NCOR2: variants seen among roughly 807,000 people sequenced by gnomAD.
The protein encoded by NCOR2 is CTG repeat protein 26.
NCOR2 carries 81 observed loss-of-function variants against 262.9 expected under a neutral mutation model. The observed-to-expected ratio is 0.31, with a 90% confidence interval of 0.26 to 0.37. NCOR2 has a LOEUF of 0.37. Among genes scored for constraint, NCOR2 ranks in the 10% least tolerant of loss-of-function variants. The pLI, the probability that NCOR2 is intolerant of heterozygous loss-of-function variation, is 1.00. For missense variants in NCOR2, 3,385 were observed against 3,621.4 expected, an observed-to-expected ratio of 0.93 and a Z score of 1.68; for synonymous variants, 1,659 against 1,559.3, an observed-to-expected ratio of 1.06 and a Z score of -1.51.
exon 47 of NCOR2, chr12:124,325,387 C>CCCCG: frequency 1.5e-6 from 1 of 655,996 alleles, no homozygotes; most frequent in Non-Finnish European, 2.1e-6. Flanking sequence ...GCCCCCCCCC[C>CCCCG]CGCCCTGTTC....
At chr12:124,379,915 T>G (rs2040287377) in intron 17 of NCOR2, among the ~76,000 whole-genome samples, 1 of 152,244 alleles carries the variant, frequency 6.6e-6, no homozygotes, top group African/African-American at 2.4e-5. Context: ...TGTCACGAAC[T>G]GCCAGCAGTC....
intron 22 of NCOR2, among the ~76,000 whole-genome samples, chr12:124,360,695 C>T (rs2038501354): frequency 6.6e-6 from 1 of 151,030 alleles, no homozygotes; most frequent in African/African-American, 2.4e-5. Context: ...CCCGGCGACT[C>T]CTCACACACC....
At chr12:124,490,534 T>A (rs755539186) in intron 1 of NCOR2, among the ~76,000 whole-genome samples, 7 of 152,110 alleles carry the variant, frequency 4.6e-5, no homozygotes, top group Non-Finnish European at 1.0e-4. Context: ...AGCCTCTCTT[T>A]TGAGGGCCAA....
At chr12:124,418,092 A>G (rs1241129961) in intron 13 of NCOR2, among the ~76,000 whole-genome samples, 1 of 152,030 alleles carries the variant, frequency 6.6e-6, no homozygotes, top group African/African-American at 2.4e-5. Context: ...CCAAAAAAAC[A>G]AAAATAAAAC....
rs527790413 is a variant in NCOR2, at chr12:124,420,771, C to T, written c.1384-716G>A. Among the ~76,000 whole-genome samples the T allele has an allele frequency of 4.3e-3, 662 of 152,344 alleles. 7 individuals are homozygous for T. The highest frequency in any genetic ancestry group is 6.5e-3 in the Admixed American group (99 of 15,312). ...CAGCTTGCCAATGCCCACAGCCGTT[C>T]CCCTTACAATGTAAAATGTTTCTGC... On this transcript the variant is annotated intron_variant, in intron 12 of 46. Transcript: ENST00000405201.
At chr12:124,388,127 C>T (rs1188446512) in intron 16 of NCOR2, among the ~76,000 whole-genome samples, 4 of 152,146 alleles carry the variant, frequency 2.6e-5, no homozygotes, top group African/African-American at 7.2e-5. Flanking sequence ...AAACATACGG[C>T]TCCCAAAGGA....
intron 1 of NCOR2, among the ~76,000 whole-genome samples, chr12:124,521,988 G>C (rs1018457202): frequency 6.6e-6 from 1 of 152,172 alleles, no homozygotes; most frequent in South Asian, 2.1e-4. Context: ...CTGCACTCCA[G>C]CCTGGGCAAC....
At chr12:124,386,679 A>G in intron 16 of NCOR2, among the ~76,000 whole-genome samples, 1 of 152,216 alleles carries the variant, frequency 6.6e-6, no homozygotes. Context: ...GGCCAGAACC[A>G]GAGCATGCCG....
Position 124,457,209 on chromosome 12 carries a change from AAC to A in NCOR2, c.706-49_706-48del, listed in dbSNP as rs763189357. On this transcript the variant is annotated intron_variant, in intron 5 of 46. Transcript: ENST00000405201. This position sits in a 1 kb window ranked among gnomAD's most constrained non-coding sequence, Gnocchi z 4.0. ...GAGGAATTTTTTTAAAAAACAAAAA[AAC>A]ACAGATTATAAATAGAGGCTTCCCG... 2.0e-5 allele frequency: 31 copies of A among 1,527,436 alleles called. No individual in the cohort carries two copies. Among genetic ancestry groups the A allele is most frequent in the Middle Eastern group, 1.7e-4 (1 of 5,766 alleles). The allele number at this position is 1,527,436 out of a possible 1,614,324, so 94.6% of individuals were successfully genotyped here. A position where few individuals can be genotyped will look rare whatever the true frequency, so the allele number is the denominator to read the frequency against.
chr12:124,458,338 C>T (rs1347578147), intron 5 of NCOR2, among the ~76,000 whole-genome samples: 2 of 152,184 alleles, frequency 1.3e-5, no homozygotes, highest in African/African-American at 2.4e-5. Context: ...GCGTGGCAGG[C>T]CAGCATCACT....
At chr12:124,560,174 T>C (rs2052021181) in intron 1 of NCOR2, among the ~76,000 whole-genome samples, 1 of 152,062 alleles carries the variant, frequency 6.6e-6, no homozygotes, top group South Asian at 2.1e-4. Context: ...TTCAAAACAG[T>C]GAGGTAGTAT....
At chr12:124,421,945 C>T (rs1451796152) in intron 12 of NCOR2, among the ~76,000 whole-genome samples, 1 of 152,246 alleles carries the variant, frequency 6.6e-6, no homozygotes, top group African/African-American at 2.4e-5. Context: ...CTTTAGGCCT[C>T]AGGTCCACAC....
chr12:124,558,254 A>G (rs1037497659), intron 1 of NCOR2, among the ~76,000 whole-genome samples: 23 of 139,786 alleles, frequency 1.6e-4, no homozygotes, highest in South Asian at 9.8e-4. Context: ...AGAAAAATCA[A>G]CTCTCCCACC....
intron 16 of NCOR2, among the ~76,000 whole-genome samples, chr12:124,388,228 G>C (rs1025357539): frequency 6.6e-6 from 1 of 152,212 alleles, no homozygotes; most frequent in Admixed American, 6.5e-5. Flanking sequence ...CTTAACTGCC[G>C]TGTGAGGAGC....
chr12:124,453,346 G>A (rs894718432), intron 6 of NCOR2, among the ~76,000 whole-genome samples: 5 of 152,218 alleles, frequency 3.3e-5, no homozygotes, highest in Non-Finnish European at 2.9e-5. Flanking sequence ...GCCAGTGAGG[G>A]AATCGAGGCC....
At chr12:124,418,673 T>C (rs1182260005) in intron 13 of NCOR2, among the ~76,000 whole-genome samples, 1 of 151,500 alleles carries the variant, frequency 6.6e-6, no homozygotes, top group African/African-American at 2.4e-5. Flanking sequence ...CAAAGTGGGC[T>C]TTAGGCCTCA....
chr12:124,394,687 G>A (rs1320566826), intron 16 of NCOR2, among the ~76,000 whole-genome samples: 2 of 152,216 alleles, frequency 1.3e-5, no homozygotes, highest in Non-Finnish European at 2.9e-5. Flanking sequence ...CCAGGGGCTG[G>A]GGGAGGCAAG....
At chr12:124,558,881 G>A (rs2051975392) in intron 1 of NCOR2, among the ~76,000 whole-genome samples, 3 of 152,216 alleles carry the variant, frequency 2.0e-5, no homozygotes, top group African/African-American at 4.8e-5. Context: ...GGGAAACTGA[G>A]GAACTCCGCG....
intron 32 of NCOR2, among the ~76,000 whole-genome samples, chr12:124,343,462 C>G (rs952375961): frequency 5.3e-5 from 8 of 152,196 alleles, no homozygotes; most frequent in African/African-American, 1.7e-4. Flanking sequence ...ATTGATGCAG[C>G]CTCTACTACG....
Sources: gnomAD v4.1 joint callset for allele counts (sites outside exome capture counted in the v4.1 genomes callset) on GRCh38, gnomAD v4.1.1 for gene constraint, Gnocchi (gnomAD v3.1) non-coding constraint, MANE v1.5 for transcripts, NCBI Gene and HGNC (gene_info 2026-07-23, HGNC 2026-07-21) for gene names.